Variants in LOXL2 observed in about 807,000 individuals in gnomAD.
LOXL2 encodes the protein lysyl oxidase homolog 2.
A neutral mutation model predicts 93.0 loss-of-function variants in LOXL2; 70 were observed. The ratio of observed to expected loss-of-function variants is 0.75; its 90% CI spans 0.62 to 0.92. The LOEUF is 0.92. Among genes scored for constraint, LOXL2 ranks in the 40% least tolerant of loss-of-function variants. LOXL2 has a pLI of 0.00. For synonymous variants in LOXL2, 438 were observed against 413.2 expected, an observed-to-expected ratio of 1.06 and a Z score of -0.73; for missense variants, 973 against 1,054.9, an observed-to-expected ratio of 0.92 and a Z score of 1.08.
At chr8:23,331,029 C>T (rs924275823) in intron 5 of LOXL2, among the ~76,000 whole-genome samples, 1 of 152,170 alleles carries the variant, frequency 6.6e-6, no homozygotes, top group Non-Finnish European at 1.5e-5. Context: ...CATTTCACTC[C>T]TCTCACTGAA....
chr8:23,386,250 G>A (rs1426483722), intron 1 of LOXL2, among the ~76,000 whole-genome samples: 27 of 152,084 alleles, frequency 1.8e-4, no homozygotes, highest in Non-Finnish European at 1.2e-4. Flanking sequence ...AAAATTAGCC[G>A]GGCGTGGTAG....
chr8:23,372,220 TC>T (rs1267244860), intron 1 of LOXL2, among the ~76,000 whole-genome samples: 1 of 95,876 alleles, frequency 1.0e-5, no homozygotes, highest in Non-Finnish European at 2.0e-5. Flanking sequence ...CATTTCTTTT[TC>T]TTTTTTTTTT....
At chr8:23,303,444 G>A in intron 10 of LOXL2, 47 bp from the exon 11 acceptor site, 1 of 1,139,252 alleles carries the variant, frequency 8.8e-7, no homozygotes. Flanking sequence ...TGGAGCAACT[G>A]CTGCTTGCAA....
rs190008036 is a variant in LOXL2, at chr8:23,347,073, C to A, written c.532-5870G>T. 5.9e-5 allele frequency among the ~76,000 whole-genome samples: 9 copies of A among 152,248 alleles called. No homozygotes were observed. The East Asian group carries it at 1.2e-3, about 20-fold the overall frequency. ...GTGACTCACGCCTCTAATCCCAGCA[C>A]TTTGGGAGGCTGAGGTGAGCAGATC... is the stretch of plus-strand genomic sequence containing the variant. On this transcript the variant is annotated intron_variant, in intron 3 of 13. Coordinates refer to ENST00000389131, the MANE Select transcript of LOXL2 (RefSeq NM_002318.3).
intron 11 of LOXL2, among the ~76,000 whole-genome samples, chr8:23,302,586 G>A (rs1803154871): frequency 1.3e-5 from 2 of 152,210 alleles, no homozygotes; most frequent in Non-Finnish European, 2.9e-5. Flanking sequence ...CATGTTATCT[G>A]CACATGGTAA....
chr8:23,403,129 G>A (rs1800173270), intron 1 of LOXL2, among the ~76,000 whole-genome samples: 1 of 152,186 alleles, frequency 6.6e-6, no homozygotes. Flanking sequence ...TTGGGCTGGT[G>A]AGAAGGGGCG....
At chr8:23,303,810 C>G (rs1480696402) in intron 10 of LOXL2, among the ~76,000 whole-genome samples, 3 of 152,344 alleles carry the variant, frequency 2.0e-5, no homozygotes, top group East Asian at 3.9e-4. Flanking sequence ...TTAAAAAACT[C>G]CGCATTTTGA....
At chr8:23,325,328 G>A (rs536879944) in intron 6 of LOXL2, among the ~76,000 whole-genome samples, 1 of 152,142 alleles carries the variant, frequency 6.6e-6, no homozygotes, top group Non-Finnish European at 1.5e-5. Flanking sequence ...GTCTCGCTAT[G>A]TCACTCAAGC....
At chr8:23,309,604 C>T in intron 10 of LOXL2, 64 bp downstream of exon 10, 7 of 1,345,954 alleles carry the variant, frequency 5.2e-6, no homozygotes, top group Non-Finnish European at 6.7e-6. Flanking sequence ...CTCTCAACTC[C>T]CATCTGAGGC....
intron 8 of LOXL2, among the ~76,000 whole-genome samples, chr8:23,319,522 C>A (rs1803458856): frequency 6.6e-6 from 1 of 152,152 alleles, no homozygotes; most frequent in Non-Finnish European, 1.5e-5. Flanking sequence ...GGGGTCACCA[C>A]CTCCCCGAAG....
chr8:23,385,946 T>C (rs1247152612), intron 1 of LOXL2: 4 of 765,332 alleles, frequency 5.2e-6, no homozygotes. Flanking sequence ...AAGCAGCACA[T>C]TGCAAGTGTT....
chr8:23,341,311 C>T, intron 3 of LOXL2, 108 bp from the exon 4 acceptor site: 1 of 878,246 alleles, frequency 1.1e-6, no homozygotes, highest in Non-Finnish European at 1.8e-6. Flanking sequence ...CTGCCGCGGG[C>T]CTGCCTGTGC....
intron 1 of LOXL2, among the ~76,000 whole-genome samples, chr8:23,378,592 T>C (rs1265417106): frequency 6.6e-5 from 10 of 152,216 alleles, no homozygotes; most frequent in Admixed American, 6.5e-4. Context: ...AGATGTAGCT[T>C]TGGTCTTTTC....
chr8:23,374,053 A>G (rs1239974536), intron 1 of LOXL2, among the ~76,000 whole-genome samples: 1 of 149,966 alleles, frequency 6.7e-6, no homozygotes, highest in Admixed American at 6.6e-5. Flanking sequence ...GCACCCGTTT[A>G]CTCGTCATTT....
chr8:23,308,426 G>A (rs1439341897), intron 10 of LOXL2, among the ~76,000 whole-genome samples: 1 of 152,218 alleles, frequency 6.6e-6, no homozygotes, highest in African/African-American at 2.4e-5. Context: ...AGGCCAGGTT[G>A]TATAGATGGC....
At chr8:23,314,316 T>C (rs1282038472) in intron 9 of LOXL2, among the ~76,000 whole-genome samples, 1 of 142,122 alleles carries the variant, frequency 7.0e-6, no homozygotes, top group African/African-American at 2.6e-5. Context: ...GGACTATAAA[T>C]CATGCTGCTA....
chr8:23,348,188 T>C (rs1021428364), intron 3 of LOXL2, among the ~76,000 whole-genome samples: 3 of 135,964 alleles, frequency 2.2e-5, no homozygotes, highest in African/African-American at 5.6e-5. Flanking sequence ...TTCTCACGCG[T>C]AGGTGGGAAT....
At chr8:23,315,503 G>T (rs17089061) in intron 9 of LOXL2, among the ~76,000 whole-genome samples, 8,073 of 152,118 alleles carry the variant, frequency 0.053, 481 homozygotes, top group African/African-American at 0.14. Context: ...ACTCATTTTT[G>T]GATCTCCCAT....
rs559906087 is a variant in LOXL2 at position 23,321,112 on chromosome 8, T to C, written c.1302+1018A>G. Among the ~76,000 whole-genome samples the C allele has an allele frequency of 4.4e-4, 67 of 152,246 alleles. 1 individual carries two copies. The highest frequency in any genetic ancestry group is 7.6e-4 in the Non-Finnish European group (52 of 68,008). On this transcript the variant is annotated intron_variant, in intron 7 of 13. Coordinates refer to ENST00000389131, the MANE Select transcript of LOXL2 (RefSeq NM_002318.3). ...AATGCATCCACTTCCCTCCAGTCCT[T>C]CCCTACCCTCCCTCATCTCTTGCCT...
Sources: gnomAD v4.1 joint callset for allele counts (sites outside exome capture counted in the v4.1 genomes callset) on GRCh38, gnomAD v4.1.1 for gene constraint, MANE v1.5 for transcripts, NCBI Gene and HGNC (gene_info 2026-07-23, HGNC 2026-07-21) for gene names.